Variants in RTTN observed in about 807,000 individuals in gnomAD.
RTTN encodes rotatin.
In RTTN, 182 loss-of-function variants were observed where a neutral mutation model predicts 269.2. The observed-to-expected ratio is 0.68, with a 90% CI of 0.60 to 0.76. RTTN has a LOEUF of 0.76. RTTN is among the 30% of genes least tolerant of loss of function. The pLI is 0.00. For missense variants in RTTN, 2,545 were observed against 2,608.6 expected (o/e 0.98, Z 0.53); for synonymous variants, 1,006 against 963.5 (o/e 1.04, Z -0.82).
At chr18:70,198,432 C>T (rs1014818247) in intron 5 of RTTN, among the ~76,000 whole-genome samples, 1 of 152,158 alleles carries the variant, frequency 6.6e-6, no homozygotes, top group African/African-American at 2.4e-5. Flanking sequence ...CTTTGCCTCT[C>T]GAATATGTTG....
At chr18:70,141,736 T>C (rs1179551575) in intron 19 of RTTN, among the ~76,000 whole-genome samples, 2 of 152,226 alleles carry the variant, frequency 1.3e-5, no homozygotes, top group East Asian at 3.9e-4. Flanking sequence ...AACCTGCACA[T>C]TGTGCACATG....
intron 11 of RTTN, among the ~76,000 whole-genome samples, chr18:70,171,641 A>G (rs2061145559): frequency 6.6e-6 from 1 of 152,232 alleles, no homozygotes; most frequent in Admixed American, 6.5e-5. Flanking sequence ...ACATGCCATC[A>G]GAACTAAAAG....
At chr18:70,136,496 T>C (rs2060128117) in intron 21 of RTTN, among the ~76,000 whole-genome samples, 2 of 151,894 alleles carry the variant, frequency 1.3e-5, no homozygotes, top group Middle Eastern at 6.8e-3. Context: ...ATTGTGCCTA[T>C]CTTATAATAA....
chr18:70,006,559 C>A, intron 46 of RTTN, 75 bp from the exon 47 acceptor site: 1 of 1,103,146 alleles, frequency 9.1e-7, no homozygotes, highest in Non-Finnish European at 1.4e-6. Flanking sequence ...ACTAGTCAGA[C>A]ACCCCCCTCT....
chr18:70,011,627 A>G (rs1402350242), intron 46 of RTTN, among the ~76,000 whole-genome samples: 1 of 152,278 alleles, frequency 6.6e-6, no homozygotes, highest in East Asian at 1.9e-4. Flanking sequence ...CCCACAGCCA[A>G]TATCACACTG....
chr18:70,138,690 TTTAGAGCTTTACCTGG>T (rs2060183631), intron 21 of RTTN: 1 of 152,168 alleles, frequency 6.6e-6, no homozygotes. Flanking sequence ...ACTGAATCTG[TTTAGAGCTTTACCTGG>T]TTTTAGGGCT....
chr18:70,134,656 G>T (rs1187764848), intron 22 of RTTN, 115 bp from the exon 23 acceptor site: 4 of 654,100 alleles, frequency 6.1e-6, no homozygotes. Context: ...CAGTGCAACT[G>T]AGTCTATCAT....
chr18:70,171,983 G>A (rs1293260334), intron 11 of RTTN, among the ~76,000 whole-genome samples: 1 of 152,182 alleles, frequency 6.6e-6, no homozygotes, highest in African/African-American at 2.4e-5. Context: ...AAGACCTTGT[G>A]TTACAAATTC....
chr18:70,014,643 G>A (rs562901830), intron 46 of RTTN, among the ~76,000 whole-genome samples: 1 of 152,252 alleles, frequency 6.6e-6, no homozygotes, highest in East Asian at 1.9e-4. Flanking sequence ...CCTATCAGAA[G>A]CAGTCTGTAG....
Position 70,197,742 on chromosome 18 carries a change from C to A in RTTN, c.579-4G>T, listed in dbSNP as rs761517925. 1.3e-6 allele frequency: 2 copies of A among 1,516,004 alleles called. No individual in the cohort carries two copies. The highest frequency in any genetic ancestry group is 1.8e-6 in the Non-Finnish European group (2 of 1,090,594). 93.9% of individuals were successfully genotyped at this position (1,516,004 alleles called of 1,614,324 possible). On this transcript the variant is annotated splice_polypyrimidine_tract_variant and splice_region_variant and intron_variant, in intron 5 of 48. Coordinates refer to ENST00000640769, the MANE Select transcript of RTTN (RefSeq NM_173630.4). ...GTGGTTACTACTTCTTAAAGAGCTA[C>A]AAAACATAGCGTTAATCATTTTTAA...
At chr18:70,048,916 TTAA>T (rs1286830131) in intron 39 of RTTN, among the ~76,000 whole-genome samples, 4 of 152,210 alleles carry the variant, frequency 2.6e-5, no homozygotes, top group Non-Finnish European at 5.9e-5. Context: ...ATAATTGTTA[TTAA>T]TGTTTTCATT....
chr18:70,089,655 C>T (rs1008046111), intron 30 of RTTN, among the ~76,000 whole-genome samples: 6 of 151,952 alleles, frequency 3.9e-5, no homozygotes, highest in Non-Finnish European at 7.4e-5. Flanking sequence ...AGATCTCAGA[C>T]AAAAATGAGG....
At chr18:70,198,431 T>TC (rs1435267978) in intron 5 of RTTN, among the ~76,000 whole-genome samples, 1 of 152,222 alleles carries the variant, frequency 6.6e-6, no homozygotes, top group African/African-American at 2.4e-5. Flanking sequence ...ACTTTGCCTC[T>TC]CGAATATGTT....
chr18:70,057,982 T>TG lies in RTTN; in HGVS notation c.4941-151_4941-150insC, dbSNP rs2057866655. Reference sequence around the variant, plus strand: ...CAAAGAAAATGTTTATAAAAAGATATCTCAAAGAATTTCAAATTGTATCCT... The same window carrying TG: ...CAAAGAAAATGTTTATAAAAAGATATGCTCAAAGAATTTCAAATTGTATCCT... On this transcript the variant is annotated intron_variant, in intron 36 of 48. Transcript: ENST00000640769. The TG allele has an allele frequency of 1.0e-5, 6 of 571,746 alleles. No homozygotes were observed. In the East Asian group the frequency reaches 1.8e-4, roughly 17 times the overall value. The allele number at this position is 571,746 out of a possible 1,614,324, so 35.4% of individuals were successfully genotyped here.
At chr18:70,073,804 G>A (rs553189553) in intron 34 of RTTN, 102 bp downstream of exon 34, 26 of 762,316 alleles carry the variant, frequency 3.4e-5, no homozygotes, top group Non-Finnish European at 5.1e-5. Flanking sequence ...ATAAATCATA[G>A]CTGTTATAAC....
At chr18:70,030,759 C>T (rs146607349) in intron 41 of RTTN, 117 bp downstream of exon 41, 114 of 649,486 alleles carry the variant, frequency 1.8e-4, no homozygotes, top group Middle Eastern at 1.2e-3. Flanking sequence ...TTTAGTGACA[C>T]TGAGATTATA....
rs758145815 is a variant in RTTN, at chr18:70,030,885, C to A, written c.5638G>T (p.Ala1880Ser). 6.2e-7 allele frequency: 1 copy of A among 1,611,264 alleles called. No homozygotes were observed. Among genetic ancestry groups the A allele is most frequent in the African/African-American group, 1.3e-5 (1 of 74,992 alleles). Residue 1880 changes from alanine (A) to serine (S), a missense_variant, in exon 41 of 49, where the codon GCT becomes TCT. By Grantham distance (99) the Ala-to-Ser change is moderately conservative. Transcript: ENST00000640769. ...LAVSRRAQKHALKANLIDNCM... is the reference protein window; with the variant it reads ...LAVSRRAQKHSLKANLIDNCM... ...GTGTCATGTGGCTCACCTTTCAAAG[C>A]ATGTTTCTGTGCTCTTCTACTGACA...
Position 70,190,685 on chromosome 18 carries a change from T to A in RTTN, c.1042A>T (p.Ile348Leu), listed in dbSNP as rs1305426145. 6 of 1,611,854 alleles carry A rather than the reference T, an allele frequency of 3.7e-6. No individual in the cohort carries two copies. Among genetic ancestry groups the A allele is most frequent in the Non-Finnish European group, 5.1e-6 (6 of 1,178,294 alleles). The change falls in exon 9 of 49, where the codon ATA becomes TTA. Residue 348 changes from isoleucine (I) to leucine (L), a missense_variant. Coordinates refer to ENST00000640769, the MANE Select transcript of RTTN (RefSeq NM_173630.4). ...SSSHAHVNSR[I>L]SVHSPLDMGH... ...ATATCCAAAGGTGAATGAACGGATA[T>A]CCTGGAGTTTACATGAGCATGACTA... is the stretch of plus-strand genomic sequence containing the variant.
intron 28 of RTTN, among the ~76,000 whole-genome samples, chr18:70,104,160 C>T (rs182129977): frequency 2.2e-4 from 34 of 152,274 alleles, no homozygotes; most frequent in Admixed American, 1.2e-3. Flanking sequence ...CACATAGTCC[C>T]GTATTTCTTG....
Sources: gnomAD v4.1 joint callset for allele counts (sites outside exome capture counted in the v4.1 genomes callset) on GRCh38, gnomAD v4.1.1 for gene constraint, MANE v1.5 for transcripts, NCBI Gene and HGNC (gene_info 2026-07-23, HGNC 2026-07-21) for gene names.